Variants in DHX36 observed in about 807,000 individuals in gnomAD.
DHX36 encodes ATP-dependent DNA/RNA helicase DHX36.
A neutral mutation model predicts 139.0 loss-of-function variants in DHX36; 50 were observed. The observed-to-expected ratio is 0.36, with a 90% CI of 0.29 to 0.46. The LOEUF is 0.46. Ranked by LOEUF, DHX36 falls within the 20% of genes least tolerant of loss-of-function variation. The pLI, the probability that DHX36 is intolerant of heterozygous loss-of-function variation, is 1.00. For missense variants in DHX36, 1,024 were observed against 1,211.3 expected, an observed-to-expected ratio of 0.85 and a Z score of 2.29; for synonymous variants, 425 against 401.9, an observed-to-expected ratio of 1.06 and a Z score of -0.69.
intron 12 of DHX36, among the ~76,000 whole-genome samples, chr3:154,299,531 T>TA (rs1002061486): frequency 6.6e-6 from 1 of 152,140 alleles, no homozygotes; most frequent in Non-Finnish European, 1.5e-5. Context: ...ATCTGAATCT[T>TA]AAAGAAGCTC....
chr3:154,302,513 T>C (rs1016698648), intron 9 of DHX36, among the ~76,000 whole-genome samples: 5 of 152,154 alleles, frequency 3.3e-5, no homozygotes, highest in African/African-American at 9.7e-5. Flanking sequence ...TAGAATACTA[T>C]TGAGCAGAAA....
chr3:154,302,071 T>TAAA (rs773742984), intron 9 of DHX36, among the ~76,000 whole-genome samples: 12 of 103,522 alleles, frequency 1.2e-4, no homozygotes, highest in African/African-American at 3.9e-4. Context: ...TGTGATAAAG[T>TAAA]AAAAAAAAAA....
chr3:154,291,134 C>CAAAAAAAAAAAAAAA (rs71152798), intron 15 of DHX36, among the ~76,000 whole-genome samples: 1 of 61,050 alleles, frequency 1.6e-5, no homozygotes, highest in African/African-American at 6.8e-5. Flanking sequence ...GACTCCGTCT[C>CAAAAAAAAAAAAAAA]AAAAAAAAAA....
At chr3:154,284,792 G>A in intron 18 of DHX36, 22 bp downstream of exon 18, 1 of 1,611,080 alleles carries the variant, frequency 6.2e-7, no homozygotes, top group Non-Finnish European at 8.5e-7. Flanking sequence ...AAATAACTCG[G>A]TTTTATTTCC....
intron 19 of DHX36, among the ~76,000 whole-genome samples, chr3:154,284,019 T>C (rs1719420732): frequency 1.3e-5 from 2 of 152,202 alleles, no homozygotes; most frequent in African/African-American, 2.4e-5. Flanking sequence ...TAAAATAAAC[T>C]ATTCACTTGT....
intron 9 of DHX36, among the ~76,000 whole-genome samples, chr3:154,302,754 C>T (rs547149758): frequency 2.0e-5 from 3 of 152,194 alleles, no homozygotes; most frequent in East Asian, 3.9e-4. Flanking sequence ...ACAAAGGTTC[C>T]CAAACTTTGC....
At chr3:154,318,436 T>C (rs1713068553) in intron 1 of DHX36, among the ~76,000 whole-genome samples, 1 of 152,102 alleles carries the variant, frequency 6.6e-6, no homozygotes, top group Non-Finnish European at 1.5e-5. Context: ...ATTTCCTAGA[T>C]TGACATTTCA....
intron 16 of DHX36, 97 bp from the exon 17 acceptor site, chr3:154,289,061 T>TA (rs1353497477): frequency 2.1e-6 from 1 of 467,984 alleles, no homozygotes; most frequent in African/African-American, 2.0e-5. Flanking sequence ...AAGCATCAAA[T>TA]TTATACATGA....
rs779300245 is a variant in DHX36, at chr3:154,324,283, C to T, written c.134G>A (p.Gly45Asp). ...ATGCCGGCCCCTGCCGCCTCGACCA[C>T]CCCCTCCGCCGCCGCCGCCTCCTCC... ...GSGGGGGGGG[G>D]GRGGRGRHPG... is the part of the protein sequence containing the mutation. The change falls in exon 1 of 25, where the codon GGT becomes GAT. Residue 45 changes from glycine to aspartate, a missense_variant. Coordinates refer to ENST00000496811, the MANE Select transcript of DHX36 (RefSeq NM_020865.3). 18 of 1,612,740 alleles carry T rather than the reference C, an allele frequency of 1.1e-5. No homozygotes were observed. Among genetic ancestry groups the T allele is most frequent in the Non-Finnish European group, 1.5e-5 (18 of 1,179,468 alleles).
intron 19 of DHX36, 48 bp downstream of exon 19, chr3:154,284,535 T>C (rs757048192): frequency 2.5e-5 from 36 of 1,439,976 alleles, no homozygotes; most frequent in Non-Finnish European, 3.2e-5. Context: ...TATTAGCATT[T>C]CATTTGAATA....
chr3:154,300,019 A>T, intron 11 of DHX36, 94 bp from the exon 12 acceptor site: 1 of 790,886 alleles, frequency 1.3e-6, no homozygotes, highest in Non-Finnish European at 2.2e-6. Context: ...CATTAAAATT[A>T]TACTAGCTCA....
At position 154,324,327 on chromosome 3, in the gene DHX36, A is replaced by C. The variant is rs1713320827; in HGVS notation, c.90T>G (p.His30Gln). Residue 30 changes from histidine (H) to glutamine (Q), a missense_variant, in exon 1 of 25, where the codon CAT becomes CAG. By Grantham distance (24) the His-to-Gln change is conservative. Transcript: ENST00000496811. ...CTCCTCCGGAGCCTCGGTTACCTCC[A>C]TGACCCCCTGCTGGCCCCCCTCCAT... ...GGYGGGPAGGHGGNRGSGGGG... is the reference protein window; with the variant it reads ...GGYGGGPAGGQGGNRGSGGGG... 5.6e-6 allele frequency: 9 copies of C among 1,598,936 alleles called. No individual in the cohort carries two copies. Among genetic ancestry groups the C allele is most frequent in the Non-Finnish European group, 7.7e-6 (9 of 1,173,954 alleles).
intron 12 of DHX36, 62 bp from the exon 13 acceptor site, chr3:154,295,401 A>G (rs1434541426): frequency 9.3e-6 from 7 of 751,430 alleles, no homozygotes; most frequent in Non-Finnish European, 8.5e-6. Flanking sequence ...CATCAAACAC[A>G]TATGAGACAA....
chr3:154,310,923 A>G, intron 4 of DHX36, among the ~76,000 whole-genome samples: 1 of 146,190 alleles, frequency 6.8e-6, no homozygotes, highest in African/African-American at 2.5e-5. Context: ...ATATATCAGA[A>G]AAAGTTTTAA....
At chr3:154,279,529 G>A (rs1222524809) in intron 22 of DHX36, 2 of 152,164 alleles carry the variant, frequency 1.3e-5, no homozygotes, top group Non-Finnish European at 2.9e-5. Flanking sequence ...CTTAAAATGT[G>A]AATAATCCAA....
chr3:154,300,458 T>G, intron 11 of DHX36, 136 bp downstream of exon 11: 29 of 676,374 alleles, frequency 4.3e-5, no homozygotes, highest in Non-Finnish European at 5.8e-5. Context: ...TTTGCTACTA[T>G]GAGATGATTT....
chr3:154,311,537 A>C, intron 4 of DHX36, 99 bp downstream of exon 4: 1 of 971,156 alleles, frequency 1.0e-6, no homozygotes, highest in South Asian at 1.7e-5. Flanking sequence ...CCTGTAAAAG[A>C]AAGTTCATTA....
intron 23 of DHX36, 47 bp from the exon 24 acceptor site, chr3:154,276,946 G>A: frequency 6.6e-7 from 1 of 1,512,532 alleles, no homozygotes; most frequent in Non-Finnish European, 8.9e-7. Flanking sequence ...AGTCTGAAAA[G>A]ATTACTATAT....
chr3:154,277,753 G>T, intron 22 of DHX36, 35 bp from the exon 23 acceptor site: 1 of 1,562,456 alleles, frequency 6.4e-7, no homozygotes. Context: ...TTGTTAAAAA[G>T]AAGTCTTCTA....
Sources: allele counts gnomAD v4.1 joint callset (sites outside exome capture counted in the v4.1 genomes callset), GRCh38; gene constraint gnomAD v4.1.1; transcripts MANE v1.5; gene names NCBI Gene and HGNC (gene_info 2026-07-23, HGNC 2026-07-21).